The following PLCG2 variants were observed in gnomAD, a reference collection of about 807,000 sequenced individuals.
The protein encoded by PLCG2 is phospholipase C gamma 2.
A neutral mutation model predicts 175.6 loss-of-function variants in PLCG2; 69 were observed. The observed-to-expected ratio is 0.39, with a 90% CI of 0.32 to 0.48. PLCG2 has a LOEUF of 0.48. Ranked by LOEUF, PLCG2 falls within the 20% of genes least tolerant of loss-of-function variation. The pLI, the probability that PLCG2 is intolerant of heterozygous loss-of-function variation, is 0.91. For missense variants in PLCG2, 1,798 were observed against 1,650.9 expected (o/e 1.09, Z -1.54); for synonymous variants, 827 against 624.0 (o/e 1.33, Z -4.85).
intron 22 of PLCG2, among the ~76,000 whole-genome samples, chr16:81,925,461 G>A (rs1305772455): frequency 2.6e-5 from 4 of 152,184 alleles, no homozygotes; most frequent in East Asian, 1.9e-4. Context: ...GCGGGGGGGC[G>A]TGAAAAGGGC....
chr16:81,829,257 C>T (rs573484858), intron 2 of PLCG2, among the ~76,000 whole-genome samples: 1,815 of 152,254 alleles, frequency 0.012, 37 homozygotes, highest in African/African-American at 0.036. Flanking sequence ...TACATGCACA[C>T]ACCAACGTGC....
At chr16:81,848,621 C>T (rs1238857483) in intron 2 of PLCG2, among the ~76,000 whole-genome samples, 1 of 152,054 alleles carries the variant, frequency 6.6e-6, no homozygotes, top group African/African-American at 2.4e-5. Context: ...CCTCTCTGTC[C>T]CCTGCTCTGC....
At chr16:81,762,930 G>T (rs1375134526) in intron 2 of PLCG2, among the ~76,000 whole-genome samples, 1 of 152,118 alleles carries the variant, frequency 6.6e-6, no homozygotes, top group Non-Finnish European at 1.5e-5. Flanking sequence ...GGTAGCACAT[G>T]CCTGTAGTCC....
chr16:81,900,869 C>G (rs1597118677), intron 14 of PLCG2, 89 bp downstream of exon 14: 1 of 1,178,522 alleles, frequency 8.5e-7, no homozygotes, highest in Non-Finnish European at 1.2e-6. Context: ...AGTTCTATGT[C>G]CTACTGGGCC....
intron 26 of PLCG2, among the ~76,000 whole-genome samples, chr16:81,934,930 C>A (rs1225815764): frequency 6.6e-6 from 1 of 152,124 alleles, no homozygotes; most frequent in African/African-American, 2.4e-5. Context: ...CAGGGGAAAC[C>A]ACCCCCATGA....
Position 81,908,399 on chromosome 16 carries a change from C to G in PLCG2, c.1558-17C>G. 1 of 1,610,340 alleles carries G rather than the reference C, an allele frequency of 6.2e-7. No homozygotes were observed. The highest frequency in any genetic ancestry group is 8.5e-7 in the Non-Finnish European group (1 of 1,177,662). ...GGTCCAAGGCTTTCAGAAACCCCTC[C>G]TCTCTTTGCGGCCCAGGATATACCC... On this transcript the variant is annotated splice_polypyrimidine_tract_variant and intron_variant, in intron 16 of 32. Coordinates refer to ENST00000564138, the MANE Select transcript of PLCG2 (RefSeq NM_002661.5).
chr16:81,746,934 T>G (rs1388019929), intron 1 of PLCG2, among the ~76,000 whole-genome samples: 1 of 152,144 alleles, frequency 6.6e-6, no homozygotes, highest in Non-Finnish European at 1.5e-5. Flanking sequence ...TTCATTAAAT[T>G]CCAGCCAAAA....
At chr16:81,818,769 G>T (rs1281464240) in intron 2 of PLCG2, among the ~76,000 whole-genome samples, 1 of 151,946 alleles carries the variant, frequency 6.6e-6, no homozygotes, top group Non-Finnish European at 1.5e-5. Flanking sequence ...TGCTGAGCCT[G>T]TCACTCTGGC....
chr16:81,831,236 T>G (rs1267981018), intron 2 of PLCG2, among the ~76,000 whole-genome samples: 7 of 152,194 alleles, frequency 4.6e-5, no homozygotes, highest in Admixed American at 4.6e-4. Flanking sequence ...AGAATGTAAT[T>G]CTTCGAGGCC....
rs1016743784 is a variant in PLCG2 at position 81,959,302 on chromosome 16, G to A, written c.*1304G>A. The A allele has an allele frequency of 2.7e-5, 6 of 222,508 alleles. No homozygotes were observed. Among genetic ancestry groups the A allele is most frequent in the South Asian group, 1.8e-4 (1 of 5,452 alleles). The allele number at this position is 222,508 out of a possible 1,614,324, so 13.8% of individuals were successfully genotyped here. On this transcript the variant is annotated 3_prime_UTR_variant, in exon 33 of 33. Transcript: ENST00000564138. ...CCATCTGACCCTCCTCTTGTTACCC[G>A]AAATGCTGGGCTTAGTATGCATGTA...
intron 2 of PLCG2, among the ~76,000 whole-genome samples, chr16:81,849,791 A>AC (rs1555512386): frequency 0.01 from 1,494 of 145,526 alleles, 50 homozygotes; most frequent in African/African-American, 0.035. Context: ...AAAAAAAAAA[A>AC]AAAAAACCAA....
intron 25 of PLCG2, among the ~76,000 whole-genome samples, chr16:81,932,153 C>T (rs1027319010): frequency 3.4e-4 from 51 of 152,200 alleles, no homozygotes; most frequent in African/African-American, 1.1e-3. Context: ...CAGGGCTGTC[C>T]TACCTGAAGT....
rs376612422 is a variant in PLCG2, at chr16:81,802,313, C to G, written c.193+16131C>G. Among the ~76,000 whole-genome samples the G allele has an allele frequency of 2.3e-4, 34 of 150,704 alleles. 1 individual carries two copies. Among genetic ancestry groups the G allele is most frequent in the South Asian group, 6.3e-4 (3 of 4,768 alleles). On this transcript the variant is annotated intron_variant, in intron 2 of 32. Coordinates refer to ENST00000564138, the MANE Select transcript of PLCG2 (RefSeq NM_002661.5). ...ATTTTTAGTAGAGATGGGGTTTCAC[C>G]GTGTTAGCCAGGATGGTCTCGATCT...
rs146403559 is a variant in PLCG2, at chr16:81,749,825, T to C, written c.-144-6045T>C. Among the ~76,000 whole-genome samples the C allele has an allele frequency of 7.9e-5, 12 of 152,314 alleles. No homozygotes were observed. The East Asian group carries it at 2.1e-3, about 27-fold the overall frequency. ...ACTCACCCCACTGTTCAAGGATACA[T>C]GTCCAAAGATGCATTGCTTATGAAG... On this transcript the variant is annotated intron_variant, in intron 1 of 5. Transcript: ENST00000565054.
intron 7 of PLCG2, among the ~76,000 whole-genome samples, chr16:81,875,882 A>G (rs983833437): frequency 6.6e-6 from 1 of 152,170 alleles, no homozygotes; most frequent in Non-Finnish European, 1.5e-5. Flanking sequence ...GAAGTGAGTG[A>G]TGAGCGTTCT....
intron 13 of PLCG2, 116 bp downstream of exon 13, chr16:81,896,043 C>G: frequency 7.6e-7 from 1 of 1,316,620 alleles, no homozygotes; most frequent in Non-Finnish European, 1.1e-6. Context: ...TGCGGGAAGG[C>G]CTGGGCCCCA....
At chr16:81,907,452 C>G (rs1449504181) in intron 15 of PLCG2, among the ~76,000 whole-genome samples, 2 of 152,068 alleles carry the variant, frequency 1.3e-5, no homozygotes, top group African/African-American at 4.8e-5. Flanking sequence ...ACTCATGGAT[C>G]TAAAAAGTCC....
At chr16:81,812,586 A>G (rs1014494222) in intron 2 of PLCG2, among the ~76,000 whole-genome samples, 25 of 152,078 alleles carry the variant, frequency 1.6e-4, no homozygotes, top group African/African-American at 5.8e-4. Flanking sequence ...GATATTAGCC[A>G]TTTGTCAGAT....
chr16:81,939,071 C>T (rs560413726), intron 29 of PLCG2, among the ~76,000 whole-genome samples, 156 bp downstream of exon 29: 10 of 152,098 alleles, frequency 6.6e-5, no homozygotes, highest in Non-Finnish European at 1.3e-4. Context: ...GGAGGGGATA[C>T]ATACAAAGGG....
Sources: allele counts gnomAD v4.1 joint callset (sites outside exome capture counted in the v4.1 genomes callset), GRCh38; gene constraint gnomAD v4.1.1; transcripts MANE v1.5; gene names NCBI Gene and HGNC (gene_info 2026-07-23, HGNC 2026-07-21).